HS6ST3: variants seen among roughly 807,000 people sequenced by gnomAD.
HS6ST3 encodes the protein heparan-sulfate 6-O-sulfotransferase 3.
Under a neutral mutation model 36.7 loss-of-function variants are expected in HS6ST3, and 12 were observed. That is an observed-to-expected ratio of 0.33 (90% confidence interval 0.21 to 0.53). HS6ST3 has a LOEUF of 0.53. Ranked by LOEUF, HS6ST3 falls within the 20% of genes least tolerant of loss-of-function variation. The pLI is 0.95. For synonymous variants in HS6ST3, 240 were observed against 257.5 expected (o/e 0.93, Z 0.65); for missense variants, 584 against 640.9 (o/e 0.91, Z 0.96).
chr13:96,358,871 T>C (rs778298869), intron 1 of HS6ST3, among the ~76,000 whole-genome samples: 2 of 60,716 alleles, frequency 3.3e-5, no homozygotes, highest in Non-Finnish European at 6.6e-5. Context: ...ATATATATAA[T>C]CTATCTATCT....
At chr13:96,457,155 G>A (rs982083002) in intron 1 of HS6ST3, among the ~76,000 whole-genome samples, 1 of 152,048 alleles carries the variant, frequency 6.6e-6, no homozygotes, top group African/African-American at 2.4e-5. Flanking sequence ...TTTTTACTCT[G>A]AAGTATATTT....
At chr13:96,435,185 G>C (rs1287377743) in intron 1 of HS6ST3, among the ~76,000 whole-genome samples, 1 of 152,172 alleles carries the variant, frequency 6.6e-6, no homozygotes, top group Non-Finnish European at 1.5e-5. Context: ...TGGTTTCAAA[G>C]ACAGTTTTGA....
chr13:96,757,936 G>C (rs1193312820), intron 1 of HS6ST3, among the ~76,000 whole-genome samples: 1 of 151,972 alleles, frequency 6.6e-6, no homozygotes, highest in East Asian at 1.9e-4. Flanking sequence ...TGAAATGTCT[G>C]TAAGATTTTG....
chr13:96,322,382 A>AG (rs2055008456), intron 1 of HS6ST3, among the ~76,000 whole-genome samples: 1 of 26,030 alleles, frequency 3.8e-5, no homozygotes, highest in East Asian at 1.4e-3. Context: ...CCATCTCTCC[A>AG]GAAAAAAAAA....
intron 1 of HS6ST3, among the ~76,000 whole-genome samples, chr13:96,580,148 T>G (rs1001140026): frequency 6.7e-5 from 10 of 150,230 alleles, no homozygotes; most frequent in Admixed American, 2.0e-4. Flanking sequence ...AATATTTTTT[T>G]TCTTATTCAT....
At chr13:96,640,972 A>G (rs1231885969) in intron 1 of HS6ST3, among the ~76,000 whole-genome samples, 5 of 151,998 alleles carry the variant, frequency 3.3e-5, no homozygotes, top group Non-Finnish European at 7.4e-5. Context: ...TATAGTCTGA[A>G]GTCAGGTGAT....
chr13:96,328,648 TG>T (rs1305544956), intron 1 of HS6ST3, among the ~76,000 whole-genome samples: 1 of 151,810 alleles, frequency 6.6e-6, no homozygotes, highest in Non-Finnish European at 1.5e-5. Flanking sequence ...TTCTCTTTTT[TG>T]GTTGTGTCTC....
intron 1 of HS6ST3, among the ~76,000 whole-genome samples, chr13:96,194,351 C>T (rs1413846620): frequency 6.6e-6 from 1 of 151,824 alleles, no homozygotes; most frequent in East Asian, 1.9e-4. Context: ...AACATAATCC[C>T]TTTAGATAAA....
rs116412551 is a variant in HS6ST3 at position 96,128,488 on chromosome 13, C to G, written c.707+36919C>G. Reference sequence around the variant, plus strand: ...CAAGCTGGATGTCGGCTGAGGCTCTCCTCCTTAGTTGGCTCCTCAGGAAGG... The same window carrying G: ...CAAGCTGGATGTCGGCTGAGGCTCTGCTCCTTAGTTGGCTCCTCAGGAAGG... On this transcript the variant is annotated intron_variant, in intron 1 of 1. Transcript: ENST00000376705. Among the ~76,000 whole-genome samples, 591 of 152,268 alleles carry G rather than the reference C, an allele frequency of 3.9e-3. 2 individuals are homozygous for G. Among genetic ancestry groups the G allele is most frequent in the African/African-American group, 0.014 (579 of 41,554 alleles).
At chr13:96,656,782 C>A (rs991640175) in intron 1 of HS6ST3, among the ~76,000 whole-genome samples, 1 of 152,078 alleles carries the variant, frequency 6.6e-6, no homozygotes, top group African/African-American at 2.4e-5. Context: ...GAGCTCCAAG[C>A]TTTAGGCAAG....
At chr13:96,606,625 G>A (rs1395781989) in intron 1 of HS6ST3, among the ~76,000 whole-genome samples, 1 of 135,554 alleles carries the variant, frequency 7.4e-6, no homozygotes, top group Non-Finnish European at 1.6e-5. Context: ...GAGGGAGGGA[G>A]GGAGGGAGGG....
chr13:96,180,686 T>C (rs550957630), intron 1 of HS6ST3, among the ~76,000 whole-genome samples: 21 of 152,338 alleles, frequency 1.4e-4, no homozygotes, highest in Non-Finnish European at 2.8e-4. Context: ...GAATAACTTA[T>C]TTAGTTCTCA....
chr13:96,681,915 A>G (rs2056719557), intron 1 of HS6ST3, among the ~76,000 whole-genome samples: 1 of 152,016 alleles, frequency 6.6e-6, no homozygotes, highest in Admixed American at 6.6e-5. Context: ...ATCCTTTAGT[A>G]TTCTGTTCAA....
At chr13:96,323,984 C>T (rs544826647) in intron 1 of HS6ST3, among the ~76,000 whole-genome samples, 1 of 152,184 alleles carries the variant, frequency 6.6e-6, no homozygotes, top group African/African-American at 2.4e-5. Context: ...CTTATTATAA[C>T]CTACCTCTTC....
intron 1 of HS6ST3, among the ~76,000 whole-genome samples, chr13:96,790,522 C>T (rs557061153): frequency 2.6e-5 from 4 of 151,946 alleles, no homozygotes; most frequent in Non-Finnish European, 5.9e-5. Flanking sequence ...AAAAACTGAA[C>T]ATTAGGAAGT....
chr13:96,396,088 C>T (rs1186688006), intron 1 of HS6ST3, among the ~76,000 whole-genome samples: 3 of 151,936 alleles, frequency 2.0e-5, no homozygotes, highest in Non-Finnish European at 2.9e-5. Flanking sequence ...CAGAGGTGGG[C>T]GGATCACTTG....
chr13:96,471,191 G>C (rs2055838536), intron 1 of HS6ST3, among the ~76,000 whole-genome samples: 1 of 152,220 alleles, frequency 6.6e-6, no homozygotes, highest in South Asian at 2.1e-4. Context: ...GGAGGACTGA[G>C]AATAGGAAGA....
intron 1 of HS6ST3, among the ~76,000 whole-genome samples, chr13:96,457,070 C>G (rs1390723617): frequency 6.6e-6 from 1 of 152,018 alleles, no homozygotes; most frequent in Admixed American, 6.6e-5. Context: ...TATATGACTT[C>G]AAGTTCTATC....
chr13:96,726,248 T>C (rs929010336), intron 1 of HS6ST3, among the ~76,000 whole-genome samples: 2 of 152,222 alleles, frequency 1.3e-5, no homozygotes, highest in African/African-American at 4.8e-5. Context: ...TAGAACATCT[T>C]TACAACTTCT....
Sources: allele counts gnomAD v4.1 joint callset (sites outside exome capture counted in the v4.1 genomes callset), GRCh38; gene constraint gnomAD v4.1.1; transcripts MANE v1.5; gene names NCBI Gene and HGNC (gene_info 2026-07-23, HGNC 2026-07-21).